Variants in CCNB2 observed in about 807,000 individuals in gnomAD.
CCNB2 encodes cyclin B2.
CCNB2 carries 39 observed loss-of-function variants against 51.1 expected under a neutral mutation model. The ratio of observed to expected loss-of-function variants is 0.76; its 90% CI spans 0.59 to 1.00. The LOEUF (loss-of-function observed/expected upper bound fraction) is 1.00, where lower values mean the gene tolerates loss of function less well. Ranked by LOEUF, CCNB2 falls within the 50% of genes least tolerant of loss-of-function variation. The pLI is 0.00. For missense variants in CCNB2, 472 were observed against 470.3 expected (o/e 1.00, Z -0.03); for synonymous variants, 174 against 165.5 (o/e 1.05, Z -0.40).
intron 6 of CCNB2, 69 bp downstream of exon 6, chr15:59,116,995 T>A: frequency 7.6e-7 from 1 of 1,320,870 alleles, no homozygotes; most frequent in South Asian, 1.3e-5. Context: ...TTGACCTAAT[T>A]TAAGGAAAGC....
In CCNB2 at chr15:59,114,458, A is replaced by C. The variant is rs1258027020; in HGVS notation, c.282A>C (p.Thr94=). The C allele has an allele frequency of 6.2e-7, 1 of 1,604,626 alleles. No individual in the cohort carries two copies. The highest frequency in any genetic ancestry group is 1.3e-5 in the African/African-American group (1 of 74,514). ...EKLAPKGPSP[T]PEDVSMKEEN... is the part of the protein sequence containing the mutation. ...TGTTGGTGTAGGGTCCTTCTCCCAC[A>C]CCTGAGGATGTCTCCATGAAGGAAG... is the stretch of plus-strand genomic sequence containing the variant. The change falls in exon 4 of 9, where the codon ACA becomes ACC. Residue 94 remains threonine, a synonymous_variant. Transcript: ENST00000288207.
At chr15:59,114,989 G>A (rs979267653) in intron 5 of CCNB2, 113 bp downstream of exon 5, 11 of 1,152,912 alleles carry the variant, frequency 9.5e-6, no homozygotes, top group African/African-American at 1.5e-5. Flanking sequence ...AAATCAAATT[G>A]TGAGAAGCCA....
At chr15:59,110,043 G>A (rs1387902662) in intron 3 of CCNB2, among the ~76,000 whole-genome samples, 4 of 151,482 alleles carry the variant, frequency 2.6e-5, no homozygotes, top group Non-Finnish European at 5.9e-5. Flanking sequence ...TTTACCATGG[G>A]TACATATTAC....
intron 7 of CCNB2, among the ~76,000 whole-genome samples, chr15:59,123,041 G>A (rs1211364767): frequency 4.6e-5 from 7 of 152,162 alleles, no homozygotes; most frequent in African/African-American, 1.7e-4. Context: ...ATTGTTGCTT[G>A]TAGCACAGTT....
chr15:59,123,538 A>G lies in CCNB2; in HGVS notation c.997A>G (p.Thr333Ala). The stretch of plus-strand genomic sequence containing the variant: ...TCAGAACTTAAAGCAGCAGTATTAC[A>G]CAGGATACACAGAGAATGAAGTATT... ...GKWNLKQQYY[T>A]GYTENEVLEV... is the part of the protein sequence containing the mutation. The change falls in exon 8 of 9, where the codon ACA (threonine) becomes GCA (alanine). Residue 333 changes from threonine (T) to alanine (A), a missense_variant. Physicochemically the swap from Thr to Ala is moderately conservative, Grantham distance 58 (BLOSUM62 0). Transcript: ENST00000288207. The G allele has an allele frequency of 6.2e-7, 1 of 1,612,164 alleles. No homozygotes were observed. The highest frequency in any genetic ancestry group is 1.3e-5 in the African/African-American group (1 of 74,998).
In CCNB2 at chr15:59,117,373, G is replaced by A. The variant is rs1347440357; in HGVS notation, c.975+5G>A. 1.2e-6 allele frequency: 2 copies of A among 1,611,808 alleles called. No individual in the cohort carries two copies. Among genetic ancestry groups the A allele is most frequent in the South Asian group, 2.2e-5 (2 of 90,972 alleles). ...GTTCTAGGACAAGGAAAATGGGTGA[G>A]TGGTGGATTTAAGAAGAAACTAATT... On this transcript the variant is annotated splice_donor_5th_base_variant and intron_variant, in intron 7 of 8. Coordinates refer to ENST00000288207, the MANE Select transcript of CCNB2 (RefSeq NM_004701.4).
chr15:59,108,701 G>C (rs1185666665), intron 3 of CCNB2, among the ~76,000 whole-genome samples: 1 of 152,212 alleles, frequency 6.6e-6, no homozygotes, highest in African/African-American at 2.4e-5. Flanking sequence ...AAGGTATCCT[G>C]TTTGGCTTCC....
chr15:59,118,529 C>T (rs895739056), intron 7 of CCNB2, among the ~76,000 whole-genome samples: 1 of 152,162 alleles, frequency 6.6e-6, no homozygotes, highest in Admixed American at 6.6e-5. Flanking sequence ...ACTAAAAATA[C>T]AAAAATTAGC....
chr15:59,111,302 C>T (rs767834777), intron 3 of CCNB2, among the ~76,000 whole-genome samples: 2 of 152,136 alleles, frequency 1.3e-5, no homozygotes, highest in South Asian at 2.1e-4. Flanking sequence ...CCAAAGTGCC[C>T]GGATCACAGA....
At chr15:59,117,727 C>A (rs1426450694) in intron 7 of CCNB2, among the ~76,000 whole-genome samples, 1 of 152,178 alleles carries the variant, frequency 6.6e-6, no homozygotes, top group African/African-American at 2.4e-5. Context: ...CCTTGGCCTC[C>A]CAAAGTGCTA....
intron 8 of CCNB2, 51 bp from the exon 9 acceptor site, chr15:59,124,716 G>A: frequency 8.4e-7 from 1 of 1,184,838 alleles, no homozygotes. Context: ...CTAGGAATAA[G>A]GTATCATTGG....
intron 3 of CCNB2, among the ~76,000 whole-genome samples, chr15:59,109,683 C>T (rs1665052): frequency 6.6e-6 from 1 of 152,152 alleles, no homozygotes; most frequent in Non-Finnish European, 1.5e-5. Context: ...CTTTCATTTT[C>T]TTCCTTAAAA....
Position 59,123,601 on chromosome 15 carries a change from GTAAATGAAAACT to G in CCNB2, c.1064_1075del (p.Asn355_Leu358del). The G allele has an allele frequency of 6.3e-7, 1 of 1,581,968 alleles. No homozygotes were observed. On this transcript the variant is annotated inframe_deletion, in exon 8 of 9. Transcript: ENST00000288207. ...GCACATGGCCAAGAATGTGGTGAAA[GTAAATGAAAACT>G]TAACTAAATTCATCGTAAGTACTAC...
chr15:59,112,862 G>A (rs536887070), intron 3 of CCNB2, among the ~76,000 whole-genome samples: 14 of 151,394 alleles, frequency 9.2e-5, no homozygotes, highest in South Asian at 2.1e-4. Context: ...GTGAAACCCC[G>A]TCTCTACTAA....
chr15:59,114,917 A>T lies in CCNB2; in HGVS notation c.597+41A>T, dbSNP rs751599762. ...GGGACTTCACGCCAGTGGCTCATTG[A>T]ACATTGCATTTATGCTTGGGGGATA... is the stretch of plus-strand genomic sequence containing the variant. On this transcript the variant is annotated intron_variant, in intron 5 of 8. Transcript: ENST00000288207. The T allele has an allele frequency of 2.5e-6, 4 of 1,573,586 alleles. No homozygotes were observed. In the South Asian group the frequency reaches 4.5e-5, roughly 18 times the overall value.
intron 3 of CCNB2, among the ~76,000 whole-genome samples, chr15:59,108,845 A>G (rs1485149206): frequency 6.6e-6 from 1 of 152,180 alleles, no homozygotes; most frequent in African/African-American, 2.4e-5. Context: ...GCTCTTTATG[A>G]GAACTAAAGC....
chr15:59,124,787 A>T lies in CCNB2; in HGVS notation c.1107A>T (p.Ala369=). The change falls in exon 9 of 9, where the codon GCA becomes GCT. Residue 369 remains alanine (A), a synonymous_variant. Transcript: ENST00000288207. ...TGCAGGCCATCAAGAATAAGTATGC[A>T]AGCAGCAAACTCCTGAAGATCAGCA... ...TKFIAIKNKY[A]SSKLLKISMI... 6 of 1,613,824 alleles carry T rather than the reference A, an allele frequency of 3.7e-6. No individual in the cohort carries two copies. Among genetic ancestry groups the T allele is most frequent in the Non-Finnish European group, 5.1e-6 (6 of 1,179,778 alleles).
intron 6 of CCNB2, 57 bp downstream of exon 6, chr15:59,116,983 C>A: frequency 7.2e-7 from 1 of 1,389,168 alleles, no homozygotes; most frequent in Admixed American, 1.9e-5. Flanking sequence ...ATCCCAGAAA[C>A]CTTGACCTAA....
chr15:59,122,234 G>C (rs1056591009), intron 7 of CCNB2, among the ~76,000 whole-genome samples: 3 of 125,446 alleles, frequency 2.4e-5, no homozygotes, highest in African/African-American at 9.0e-5. Flanking sequence ...AAAGTCAGTT[G>C]ACATATCTTT....
Sources: gnomAD v4.1 joint callset for allele counts (sites outside exome capture counted in the v4.1 genomes callset) on GRCh38, gnomAD v4.1.1 for gene constraint, MANE v1.5 for transcripts, NCBI Gene and HGNC (gene_info 2026-07-23, HGNC 2026-07-21) for gene names.